The following MTREX variants were observed in gnomAD, a reference collection of about 807,000 sequenced individuals.
MTREX encodes exosome RNA helicase MTR4.
In MTREX, 76 loss-of-function variants were observed where a neutral mutation model predicts 135.4. That is an observed-to-expected ratio of 0.56 (90% CI 0.47 to 0.68). The LOEUF is 0.68. Ranked by LOEUF, MTREX falls within the 30% of genes least tolerant of loss-of-function variation. The pLI, the probability that MTREX is intolerant of heterozygous loss-of-function variation, is 0.00. For synonymous variants in MTREX, 404 were observed against 401.6 expected, an observed-to-expected ratio of 1.01 and a Z score of -0.07; for missense variants, 920 against 1,262.1, an observed-to-expected ratio of 0.73 and a Z score of 4.11.
intron 1 of MTREX, among the ~76,000 whole-genome samples, chr5:55,312,188 C>T (rs1253415719): frequency 6.6e-6 from 1 of 152,102 alleles, no homozygotes; most frequent in Non-Finnish European, 1.5e-5. Context: ...TACCTGGAAT[C>T]CACCTATTAA....
intron 1 of MTREX, among the ~76,000 whole-genome samples, chr5:55,313,797 A>G (rs971813225): frequency 1.1e-4 from 17 of 152,108 alleles, no homozygotes; most frequent in Non-Finnish European, 1.5e-5. Context: ...CCCTTCTTCC[A>G]TTTCCTCCCT....
At chr5:55,417,597 T>C (rs1249291414) in intron 25 of MTREX, among the ~76,000 whole-genome samples, 2 of 152,200 alleles carry the variant, frequency 1.3e-5, no homozygotes, top group African/African-American at 4.8e-5. Flanking sequence ...TAGTTAATGG[T>C]GTTTAGCCGA....
chr5:55,346,753 G>A (rs535201852), intron 10 of MTREX, among the ~76,000 whole-genome samples: 1 of 152,120 alleles, frequency 6.6e-6, no homozygotes, highest in African/African-American at 2.4e-5. Context: ...CCCCCATTCT[G>A]TTTGAGGTTG....
intron 25 of MTREX, among the ~76,000 whole-genome samples, chr5:55,418,867 A>G (rs1751012754): frequency 6.6e-6 from 1 of 151,994 alleles, no homozygotes; most frequent in South Asian, 2.1e-4. Flanking sequence ...TTTTTGCAAC[A>G]GGGTCTGGCT....
At chr5:55,367,027 TG>T (rs1750115002) in intron 16 of MTREX, 152 bp downstream of exon 16, 1 of 545,688 alleles carries the variant, frequency 1.8e-6, no homozygotes, top group Non-Finnish European at 3.2e-6. Context: ...TCATTGTAAC[TG>T]AATAGAACAT....
rs1331973136 is a variant in MTREX, at chr5:55,336,187, G to GA, written c.516-3817dup. Among the ~76,000 whole-genome samples the GA allele has an allele frequency of 5.3e-5, 8 of 152,162 alleles. No homozygotes were observed. The South Asian group carries it at 1.4e-3, about 28-fold the overall frequency. On this transcript the variant is annotated intron_variant, in intron 5 of 26. Transcript: ENST00000230640. The stretch of plus-strand genomic sequence containing the variant: ...CTATATAGATGATAACATTGCCTGT[G>GA]AAAAAAGATGGTTTTACTTCCTTTT...
In MTREX at chr5:55,308,048, T is replaced by C; in HGVS notation, c.35T>C (p.Val12Ala). The change falls in exon 1 of 27, where the codon GTG becomes GCG. Residue 12 changes from valine (V) to alanine (A), a missense_variant. Around this residue, in one of 6 missense-constraint regions of MTREX, gnomAD observed 136 missense variants for 126.7 expected, o/e 1.07. Coordinates refer to ENST00000230640, the MANE Select transcript of MTREX (RefSeq NM_015360.5). ...ADAFGDELFS[V>A]FEGDSTTAAG... ...GCATTCGGAGATGAGCTGTTCAGCG[T>C]GTTCGAGGGCGACTCGACCACTGCG... 3 of 1,614,068 alleles carry C rather than the reference T, an allele frequency of 1.9e-6. No homozygotes were observed. Among genetic ancestry groups the C allele is most frequent in the Non-Finnish European group, 2.5e-6 (3 of 1,180,030 alleles).
chr5:55,359,760 G>T (rs528056844), intron 15 of MTREX, among the ~76,000 whole-genome samples: 13 of 152,276 alleles, frequency 8.5e-5, no homozygotes, highest in African/African-American at 3.1e-4. Context: ...TGTACTGTGT[G>T]TGTGGAAAGA....
intron 3 of MTREX, among the ~76,000 whole-genome samples, chr5:55,325,375 A>G (rs1749361671): frequency 6.8e-6 from 1 of 146,196 alleles, no homozygotes; most frequent in Non-Finnish European, 1.5e-5. Context: ...TATGTCATCC[A>G]GGCTGGAGTG....
chr5:55,363,137 A>C (rs1025039380), intron 15 of MTREX, among the ~76,000 whole-genome samples: 7 of 152,180 alleles, frequency 4.6e-5, no homozygotes, highest in Non-Finnish European at 8.8e-5. Flanking sequence ...ATTATTTGTA[A>C]ATTTAAGAAG....
intron 15 of MTREX, 51 bp from the exon 16 acceptor site, chr5:55,366,674 G>A: frequency 1.4e-6 from 2 of 1,403,606 alleles, no homozygotes; most frequent in Non-Finnish European, 1.9e-6. Flanking sequence ...AAAGGTACTT[G>A]TGTAAATTTA....
intron 14 of MTREX, chr5:55,356,599 G>C (rs1056214206): frequency 2.7e-5 from 5 of 186,662 alleles, no homozygotes; most frequent in African/African-American, 1.2e-4. Flanking sequence ...TCCTTAGCCA[G>C]GTTGGACATA....
chr5:55,363,634 T>G (rs1693705059), intron 15 of MTREX, among the ~76,000 whole-genome samples: 1 of 152,028 alleles, frequency 6.6e-6, no homozygotes, highest in African/African-American at 2.4e-5. Context: ...ACTTAAAGAG[T>G]TCTTATATTT....
intron 14 of MTREX, among the ~76,000 whole-genome samples, chr5:55,356,081 A>T (rs1237496971): frequency 6.6e-6 from 1 of 152,208 alleles, no homozygotes; most frequent in Non-Finnish European, 1.5e-5. Flanking sequence ...TCATTCAGGG[A>T]GTCACAGACA....
At chr5:55,362,333 A>G (rs1750028378) in intron 15 of MTREX, among the ~76,000 whole-genome samples, 1 of 151,726 alleles carries the variant, frequency 6.6e-6, no homozygotes, top group Non-Finnish European at 1.5e-5. Flanking sequence ...AATTTGACAT[A>G]AGGCAGCAGT....
At chr5:55,311,308 G>A (rs539715785) in intron 1 of MTREX, among the ~76,000 whole-genome samples, 2 of 151,116 alleles carry the variant, frequency 1.3e-5, no homozygotes, top group East Asian at 3.9e-4. Context: ...CCTTAATATC[G>A]TTAAATACTG....
At chr5:55,372,672 A>T (rs1750222455) in intron 16 of MTREX, among the ~76,000 whole-genome samples, 1 of 152,164 alleles carries the variant, frequency 6.6e-6, no homozygotes, top group African/African-American at 2.4e-5. Flanking sequence ...GTAGTGCTGA[A>T]ACAAAAGGAT....
At chr5:55,328,511 A>G (rs563114057) in intron 4 of MTREX, among the ~76,000 whole-genome samples, 188 bp from the exon 5 acceptor site, 12 of 152,278 alleles carry the variant, frequency 7.9e-5, no homozygotes, top group South Asian at 6.2e-4. Context: ...ATTAGCTTCT[A>G]TGTTGTTTGG....
At chr5:55,322,626 C>T (rs187148149) in intron 2 of MTREX, among the ~76,000 whole-genome samples, 162 bp downstream of exon 2, 1 of 152,072 alleles carries the variant, frequency 6.6e-6, no homozygotes, top group East Asian at 1.9e-4. Context: ...GAACACTTAC[C>T]TAAGTTTGGG....
Sources: gnomAD v4.1 joint callset for allele counts (sites outside exome capture counted in the v4.1 genomes callset) on GRCh38, gnomAD v4.1.1 for gene constraint, gnomAD v4.1.1 regional missense constraint, MANE v1.5 for transcripts, NCBI Gene and HGNC (gene_info 2026-07-23, HGNC 2026-07-21) for gene names.